Variants in VPS13D observed in about 807,000 individuals in gnomAD.
The protein encoded by VPS13D is intermembrane lipid transfer protein VPS13D.
A neutral mutation model predicts 461.9 loss-of-function variants in VPS13D; 187 were observed. That is an observed-to-expected ratio of 0.40 (90% CI 0.36 to 0.46). The LOEUF (loss-of-function observed/expected upper bound fraction) is 0.46. Among genes scored for constraint, VPS13D ranks in the 20% least tolerant of loss-of-function variants. The pLI is 0.60. For missense variants in VPS13D, 4,711 were observed against 5,364.9 expected (o/e 0.88, Z 3.81); for synonymous variants, 1,951 against 1,986.3 (o/e 0.98, Z 0.47).
At chr1:12,404,810 A>C (rs1313212098) in intron 63 of VPS13D, among the ~76,000 whole-genome samples, 1 of 152,216 alleles carries the variant, frequency 6.6e-6, no homozygotes, top group Non-Finnish European at 1.5e-5. Context: ...TGATAGGAGC[A>C]GGAGTGGATC....
At chr1:12,453,575 C>T (rs867418570) in intron 65 of VPS13D, among the ~76,000 whole-genome samples, 12 of 152,250 alleles carry the variant, frequency 7.9e-5, no homozygotes, top group African/African-American at 2.2e-4. Flanking sequence ...ACCTGAAGAA[C>T]GCTGGCAGCC....
intron 21 of VPS13D, among the ~76,000 whole-genome samples, chr1:12,285,110 A>G (rs1444858571): frequency 6.6e-6 from 1 of 152,166 alleles, no homozygotes; most frequent in East Asian, 1.9e-4. Flanking sequence ...TCAACAATGC[A>G]TTTTTTAAAA....
At chr1:12,377,758 T>TGTA (rs956796833) in intron 55 of VPS13D, among the ~76,000 whole-genome samples, 3 of 148,560 alleles carry the variant, frequency 2.0e-5, no homozygotes, top group African/African-American at 7.5e-5. Flanking sequence ...GAGGAGAGAT[T>TGTA]GTAGTGAGCC....
At chr1:12,386,888 C>G (rs1644357062) in intron 60 of VPS13D, among the ~76,000 whole-genome samples, 2 of 152,206 alleles carry the variant, frequency 1.3e-5, no homozygotes, top group South Asian at 2.1e-4. Context: ...GAGGGGAGAC[C>G]AAGCAAGTAC....
At chr1:12,469,003 C>T (rs1350836766) in intron 67 of VPS13D, among the ~76,000 whole-genome samples, 1 of 150,912 alleles carries the variant, frequency 6.6e-6, no homozygotes, top group Non-Finnish European at 1.5e-5. Flanking sequence ...CACTGCACTC[C>T]AGCCTGGGTG....
chr1:12,265,624 GAAA>G (rs1007487275), intron 13 of VPS13D, among the ~76,000 whole-genome samples: 1 of 152,186 alleles, frequency 6.6e-6, no homozygotes, highest in African/African-American at 2.4e-5. Flanking sequence ...GAGTTTGGAA[GAAA>G]TCAACCCTCT....
rs142033335 is a variant in VPS13D at position 12,258,096 on chromosome 1, A to T, written c.1103A>T (p.Asp368Val). The T allele has an allele frequency of 1.2e-4, 188 of 1,614,216 alleles. No homozygotes were observed. The African/African-American group carries it at 2.0e-3, about 17-fold the overall frequency. ...NKLKGGLLST[D>V]DKEEMCRIEE... ...TTAAAAGGAGGCCTGCTGTCCACAG[A>T]TGACAAGGTAAGTGGACTGTGGTCT... is the stretch of plus-strand genomic sequence containing the variant. Residue 368 changes from aspartate (D) to valine (V), a missense_variant, in exon 10 of 70, where the codon GAT (aspartate) becomes GTT (valine). Asp to Val is a radical substitution (Grantham distance 152, BLOSUM62 -3). Around this residue, in one of 3 missense-constraint regions of VPS13D, gnomAD observed 4,411 missense variants for 4,937.8 expected, o/e 0.89. Coordinates refer to ENST00000620676, the MANE Select transcript of VPS13D (RefSeq NM_015378.4).
intron 67 of VPS13D, among the ~76,000 whole-genome samples, chr1:12,474,192 G>C (rs1645599456): frequency 6.6e-6 from 1 of 152,122 alleles, no homozygotes; most frequent in African/African-American, 2.4e-5. Context: ...AAGGAAATTA[G>C]GATGGGGCAT....
At chr1:12,467,237 C>A (rs947305805) in intron 67 of VPS13D, among the ~76,000 whole-genome samples, 7 of 152,172 alleles carry the variant, frequency 4.6e-5, no homozygotes, top group Non-Finnish European at 8.8e-5. Flanking sequence ...AGTGGCACAA[C>A]CTCGGCTCAC....
At chr1:12,264,037 A>G (rs1267047705) in intron 13 of VPS13D, among the ~76,000 whole-genome samples, 2 of 152,202 alleles carry the variant, frequency 1.3e-5, no homozygotes, top group Non-Finnish European at 2.9e-5. Context: ...CAGTATTTCA[A>G]ACTTTTCCAT....
chr1:12,330,030 C>T (rs1409141495), intron 37 of VPS13D, 112 bp downstream of exon 37: 9 of 358,518 alleles, frequency 2.5e-5, no homozygotes, highest in Middle Eastern at 5.2e-4. Context: ...TGGGGTGGGA[C>T]GGGGAAAGAT....
intron 63 of VPS13D, among the ~76,000 whole-genome samples, chr1:12,413,320 TAA>T (rs1183997013): frequency 7.3e-6 from 1 of 137,648 alleles, no homozygotes; most frequent in African/African-American, 2.6e-5. Context: ...CTCTCCAAAA[TAA>T]AAAAAAAAAA....
In VPS13D at chr1:12,396,023, A is replaced by G. The variant is rs1224802060; in HGVS notation, c.11635-4158A>G. 3.2e-4 allele frequency among the ~76,000 whole-genome samples: 44 copies of G among 136,510 alleles called. 4 individuals are homozygous for G. The highest frequency in any genetic ancestry group is 1.1e-3 in the African/African-American group (37 of 34,284). 89.6% of individuals were successfully genotyped at this position (136,510 alleles called of 152,430 possible). On this transcript the variant is annotated intron_variant, in intron 60 of 69. Transcript: ENST00000620676. ...TATATATATATATATATATATATAT[A>G]TATATAGTTCTTTAAGATCAATAAA...
In VPS13D at chr1:12,278,007, T is replaced by C. The variant is rs1414007344; in HGVS notation, c.4419T>C (p.His1473=). 2 of 1,613,956 alleles carry C rather than the reference T, an allele frequency of 1.2e-6. No individual in the cohort carries two copies. The highest frequency in any genetic ancestry group is 1.7e-6 in the Non-Finnish European group (2 of 1,179,924). ...AGGAGGAAGCTCATTTCACACGACA[T>C]GATTTCTTTGAATCTTTGCATAGAG... The part of the protein sequence containing the change: ...NSQEEAHFTR[H]DFFESLHRGQ... Residue 1473 remains histidine, a synonymous_variant, in exon 19 of 70, where the codon CAT becomes CAC. Transcript: ENST00000620676.
intron 24 of VPS13D, among the ~76,000 whole-genome samples, chr1:12,295,420 A>G (rs1247830064): frequency 1.3e-5 from 2 of 152,102 alleles, no homozygotes; most frequent in Non-Finnish European, 2.9e-5. Context: ...TTTTTCTCCA[A>G]CTGTCTAGTT....
At chr1:12,463,820 T>A (rs564007079) in intron 67 of VPS13D, among the ~76,000 whole-genome samples, 4 of 152,244 alleles carry the variant, frequency 2.6e-5, no homozygotes, top group African/African-American at 7.2e-5. Flanking sequence ...CTTATTAGCT[T>A]TGGGCCCTGG....
chr1:12,318,404 G>A (rs1471694909), intron 31 of VPS13D, 67 bp downstream of exon 31: 3 of 1,535,984 alleles, frequency 2.0e-6, no homozygotes, highest in Non-Finnish European at 1.8e-6. Flanking sequence ...CTGCCTTACA[G>A]GATGATTGCT....
In VPS13D at chr1:12,349,280, C is replaced by G. The variant is rs773808320; in HGVS notation, c.9337C>G (p.Pro3113Ala). 6.2e-7 allele frequency: 1 copy of G among 1,614,128 alleles called. No individual in the cohort carries two copies. ...KGLGVFFCKAPIHWTNVVKTA... is the reference protein window; with the variant it reads ...KGLGVFFCKAAIHWTNVVKTA... ...ATTGGGTGTATTTTTCTGTAAGGCT[C>G]CCATTCATTGGACCAATGTAGTGAA... is the stretch of plus-strand genomic sequence containing the variant. Residue 3113 changes from proline (P) to alanine (A), a missense_variant, in exon 46 of 70, where the codon CCC becomes GCC. This residue lies in a region of VPS13D where 4,411 missense variants were observed against 4,937.8 expected (regional missense o/e 0.89). Transcript: ENST00000620676.
intron 67 of VPS13D, among the ~76,000 whole-genome samples, chr1:12,484,048 T>C (rs879722893): frequency 2.0e-5 from 3 of 152,128 alleles, no homozygotes; most frequent in Non-Finnish European, 4.4e-5. Flanking sequence ...TGTTTTTGGA[T>C]TATATGTGGC....
Sources: allele counts gnomAD v4.1 joint callset (sites outside exome capture counted in the v4.1 genomes callset), GRCh38; gene constraint gnomAD v4.1.1; regional missense constraint gnomAD v4.1.1; transcripts MANE v1.5; gene names NCBI Gene and HGNC (gene_info 2026-07-23, HGNC 2026-07-21).